ZNF407: variants seen among roughly 807,000 people sequenced by gnomAD.
The protein encoded by ZNF407 is zinc finger protein 407.
Under a neutral mutation model 131.2 loss-of-function variants are expected in ZNF407, and 17 were observed. The observed-to-expected ratio is 0.13, with a 90% CI of 0.09 to 0.19. The LOEUF (loss-of-function observed/expected upper bound fraction) is 0.19, where lower values mean the gene tolerates loss of function less well. Among genes scored for constraint, ZNF407 ranks in the 10% least tolerant of loss-of-function variants. ZNF407 has a pLI of 1.00. For missense variants in ZNF407, 2,681 were observed against 2,830.6 expected, an observed-to-expected ratio of 0.95 and a Z score of 1.20; for synonymous variants, 1,156 against 1,062.0, an observed-to-expected ratio of 1.09 and a Z score of -1.72.
chr18:74,640,255 T>G (rs1984649105), intron 2 of ZNF407, among the ~76,000 whole-genome samples: 1 of 152,154 alleles, frequency 6.6e-6, no homozygotes, highest in Non-Finnish European at 1.5e-5. Context: ...TGAAATAATC[T>G]TATTTTCTCA....
chr18:74,693,644 A>C (rs1967282739), intron 3 of ZNF407, among the ~76,000 whole-genome samples: 1 of 151,996 alleles, frequency 6.6e-6, no homozygotes, highest in Non-Finnish European at 1.5e-5. Flanking sequence ...GTTCACTAAG[A>C]TTTCTCCTTT....
chr18:74,629,969 C>T (rs962224739), intron 1 of ZNF407, among the ~76,000 whole-genome samples: 11 of 151,908 alleles, frequency 7.2e-5, no homozygotes, highest in Non-Finnish European at 1.6e-4. Flanking sequence ...TGCCATTAAC[C>T]TTCAGACAAT....
intron 3 of ZNF407, among the ~76,000 whole-genome samples, chr18:74,719,170 A>ACTTG (rs1568181300): frequency 6.6e-6 from 1 of 151,486 alleles, no homozygotes; most frequent in Non-Finnish European, 1.5e-5. Context: ...GACATTTATC[A>ACTTG]TTTGTATTGG....
At position 74,899,750 on chromosome 18, in the gene ZNF407, G is replaced by A. The variant is rs116888204; in HGVS notation, c.5249+9712G>A. On this transcript the variant is annotated intron_variant, in intron 7 of 8. Coordinates refer to ENST00000299687, the MANE Select transcript of ZNF407 (RefSeq NM_017757.3). Reference sequence around the variant, plus strand: ...GTCATACACCAAGCAAAGAGTGGGCGGCGTGCCAGGTGTTGATGAAATAGG... The same window carrying A: ...GTCATACACCAAGCAAAGAGTGGGCAGCGTGCCAGGTGTTGATGAAATAGG... Among the ~76,000 whole-genome samples, 921 of 152,278 alleles carry A rather than the reference G, an allele frequency of 6.0e-3. 7 individuals carry two copies. The highest frequency in any genetic ancestry group is 0.017 in the Middle Eastern group (5 of 294).
chr18:74,871,106 ACTTT>A (rs1307102430), intron 4 of ZNF407, among the ~76,000 whole-genome samples: 1 of 152,190 alleles, frequency 6.6e-6, no homozygotes, highest in Non-Finnish European at 1.5e-5. Flanking sequence ...CTTTTGGGAC[ACTTT>A]CTAAGCACAC....
chr18:74,986,024 C>T (rs539368265), intron 8 of ZNF407, among the ~76,000 whole-genome samples: 21 of 152,160 alleles, frequency 1.4e-4, no homozygotes, highest in Admixed American at 2.6e-4. Context: ...AATATGAAAG[C>T]AGTGTGTGTA....
chr18:74,806,705 C>T (rs1442892275), intron 4 of ZNF407, among the ~76,000 whole-genome samples: 1 of 152,166 alleles, frequency 6.6e-6, no homozygotes, highest in Non-Finnish European at 1.5e-5. Flanking sequence ...TTAACTGATG[C>T]AATTTGTCCG....
chr18:74,609,658 A>G (rs1982969335), intron 1 of ZNF407, among the ~76,000 whole-genome samples: 1 of 152,234 alleles, frequency 6.6e-6, no homozygotes, highest in Non-Finnish European at 1.5e-5. Flanking sequence ...GCAGTGTAGT[A>G]GGTTTGCTTA....
chr18:74,935,312 A>G (rs1219279562), intron 8 of ZNF407, among the ~76,000 whole-genome samples: 1 of 152,190 alleles, frequency 6.6e-6, no homozygotes, highest in Non-Finnish European at 1.5e-5. Flanking sequence ...ATAGTTTGAC[A>G]TTCTTTATGT....
At chr18:74,696,882 G>C (rs1416661464) in intron 3 of ZNF407, among the ~76,000 whole-genome samples, 2 of 152,004 alleles carry the variant, frequency 1.3e-5, no homozygotes, top group African/African-American at 4.8e-5. Context: ...GACCTTTTTT[G>C]TTAAGTTTTT....
rs186319549 is a variant in ZNF407, at chr18:74,682,659, T to C, written c.4802+41537T>C. Among the ~76,000 whole-genome samples the C allele has an allele frequency of 1.7e-3, 255 of 152,322 alleles. 1 individual carries two copies. Among genetic ancestry groups the C allele is most frequent in the Middle Eastern group, 3.4e-3 (1 of 294 alleles). On this transcript the variant is annotated intron_variant, in intron 3 of 8. Transcript: ENST00000299687. ...CCATCTTGGATGCTAGCCAAGTCGG[T>C]TTTCTTATTTGATGTAACATAAGAA...
intron 1 of ZNF407, among the ~76,000 whole-genome samples, chr18:74,614,526 T>A (rs1243592199): frequency 6.6e-6 from 1 of 152,188 alleles, no homozygotes; most frequent in East Asian, 1.9e-4. Flanking sequence ...GTCTGGTAAA[T>A]TTGCATTCAG....
chr18:74,790,306 C>T (rs1477362650), intron 4 of ZNF407, among the ~76,000 whole-genome samples: 3 of 151,954 alleles, frequency 2.0e-5, no homozygotes, highest in Admixed American at 6.6e-5. Context: ...AAGATAAAAC[C>T]GAATTCTGTA....
At chr18:74,860,079 G>T (rs781532551) in intron 4 of ZNF407, among the ~76,000 whole-genome samples, 1 of 152,142 alleles carries the variant, frequency 6.6e-6, no homozygotes, top group Non-Finnish European at 1.5e-5. Flanking sequence ...ATCGAGGCTG[G>T]AGGATTGCTT....
chr18:75,037,088 G>T (rs1331916839), intron 8 of ZNF407, among the ~76,000 whole-genome samples: 1 of 152,192 alleles, frequency 6.6e-6, no homozygotes, highest in Non-Finnish European at 1.5e-5. Flanking sequence ...ATGAAAAGAG[G>T]CATTCATTAG....
intron 1 of ZNF407, among the ~76,000 whole-genome samples, chr18:74,602,933 CA>C (rs1982645208): frequency 6.7e-6 from 1 of 148,862 alleles, no homozygotes; most frequent in Admixed American, 6.6e-5. Flanking sequence ...GAAAATGCCT[CA>C]GGGGGACTCC....
intron 8 of ZNF407, among the ~76,000 whole-genome samples, chr18:74,929,872 T>A (rs531543852): frequency 2.6e-4 from 40 of 152,358 alleles, no homozygotes; most frequent in African/African-American, 9.6e-4. Flanking sequence ...AAATTACTAT[T>A]TCGCAAGTTT....
chr18:74,602,990 C>T (rs929057772), intron 1 of ZNF407, among the ~76,000 whole-genome samples: 1 of 152,066 alleles, frequency 6.6e-6, no homozygotes, highest in African/African-American at 2.4e-5. Flanking sequence ...ACAGGGCATT[C>T]AGGAGAGAGC....
chr18:74,627,539 C>A (rs1983838208), intron 1 of ZNF407, among the ~76,000 whole-genome samples: 1 of 152,134 alleles, frequency 6.6e-6, no homozygotes. Flanking sequence ...CCATGTTGCC[C>A]AGGCTGGTCT....
Sources: gnomAD v4.1 joint callset for allele counts (sites outside exome capture counted in the v4.1 genomes callset) on GRCh38, gnomAD v4.1.1 for gene constraint, MANE v1.5 for transcripts, NCBI Gene and HGNC (gene_info 2026-07-23, HGNC 2026-07-21) for gene names.